The following EPHB1 variants were observed in gnomAD, a reference collection of about 807,000 sequenced individuals.
The protein encoded by EPHB1 is ephrin type-B receptor 1.
EPHB1 carries 30 observed loss-of-function variants against 94.4 expected under a neutral mutation model. The observed-to-expected ratio is 0.32, with a 90% CI of 0.24 to 0.43. The LOEUF (loss-of-function observed/expected upper bound fraction) is 0.43, where lower values mean the gene tolerates loss of function less well. Among genes scored for constraint, EPHB1 ranks in the 20% least tolerant of loss-of-function variants. The probability of loss-of-function intolerance (pLI) is 1.00; values close to 1 mark genes in which losing one functional copy is unlikely to be tolerated. For synonymous variants in EPHB1, 522 were observed against 489.1 expected (o/e 1.07, Z -0.89); for missense variants, 1,055 against 1,308.3 (o/e 0.81, Z 2.99).
chr3:134,948,816 C>G (rs1559767505), intron 2 of EPHB1, among the ~76,000 whole-genome samples: 1 of 152,198 alleles, frequency 6.6e-6, no homozygotes, highest in Non-Finnish European at 1.5e-5. Context: ...GCCCCAGGGC[C>G]AGTGTGCACA....
chr3:134,844,725 T>C (rs1337446179), intron 1 of EPHB1, among the ~76,000 whole-genome samples: 1 of 152,220 alleles, frequency 6.6e-6, no homozygotes, highest in East Asian at 1.9e-4. Flanking sequence ...ACTCCCGTCT[T>C]TGATACATAA....
At chr3:135,220,700 G>C (rs1349091770) in intron 12 of EPHB1, among the ~76,000 whole-genome samples, 1 of 151,490 alleles carries the variant, frequency 6.6e-6, no homozygotes, top group East Asian at 1.9e-4. Context: ...TGGGCAAAGA[G>C]GAGAGAAGAG....
chr3:135,135,452 A>G (rs554557650), intron 5 of EPHB1, among the ~76,000 whole-genome samples: 3 of 152,366 alleles, frequency 2.0e-5, no homozygotes, highest in Admixed American at 1.3e-4. Flanking sequence ...GTTTAGAACC[A>G]TGAACAGAAG....
At chr3:135,253,240 G>T (rs1374467619) in intron 15 of EPHB1, among the ~76,000 whole-genome samples, 13 of 151,208 alleles carry the variant, frequency 8.6e-5, no homozygotes, top group East Asian at 3.9e-4. Context: ...GTCAATTTTG[G>T]CTTTTGTTGC....
At chr3:135,140,935 C>T (rs929307746) in intron 5 of EPHB1, among the ~76,000 whole-genome samples, 4 of 152,076 alleles carry the variant, frequency 2.6e-5, no homozygotes, top group Admixed American at 2.0e-4. Context: ...CTTCTCTGAG[C>T]GGATGTGAAA....
chr3:134,835,581 C>A (rs2036659359), intron 1 of EPHB1, among the ~76,000 whole-genome samples: 1 of 152,092 alleles, frequency 6.6e-6, no homozygotes, highest in Non-Finnish European at 1.5e-5. Flanking sequence ...TGCTTCAAGG[C>A]AAGTTAAAAA....
chr3:134,999,111 T>G (rs1432976567), intron 3 of EPHB1, among the ~76,000 whole-genome samples: 1 of 152,176 alleles, frequency 6.6e-6, no homozygotes, highest in Non-Finnish European at 1.5e-5. Flanking sequence ...CAGTCACTGG[T>G]GATGGTTAAT....
chr3:135,008,267 A>G (rs989257242), intron 3 of EPHB1, among the ~76,000 whole-genome samples: 1 of 152,208 alleles, frequency 6.6e-6, no homozygotes. Context: ...TATGTGTCCT[A>G]TGCACACTTA....
intron 3 of EPHB1, among the ~76,000 whole-genome samples, chr3:135,040,432 G>A (rs540869422): frequency 1.3e-5 from 2 of 152,314 alleles, no homozygotes; most frequent in South Asian, 4.1e-4. Flanking sequence ...TGTCCTCTTG[G>A]GGACCTGCAG....
intron 3 of EPHB1, among the ~76,000 whole-genome samples, chr3:134,986,005 T>A (rs577009782): frequency 1.3e-5 from 2 of 152,202 alleles, no homozygotes; most frequent in African/African-American, 4.8e-5. Context: ...TTGCCCCAGA[T>A]AGTGACTGTC....
chr3:135,159,367 T>G (rs2107697133), intron 6 of EPHB1, among the ~76,000 whole-genome samples: 1 of 152,378 alleles, frequency 6.6e-6, no homozygotes, highest in African/African-American at 2.4e-5. Context: ...ATACCAATGA[T>G]GTATTAAAAC....
intron 1 of EPHB1, among the ~76,000 whole-genome samples, chr3:134,864,045 C>G (rs760489337): frequency 1.2e-4 from 18 of 152,296 alleles, no homozygotes; most frequent in African/African-American, 1.9e-4. Context: ...GAAAAATGCT[C>G]TCAGGAAAGT....
intron 9 of EPHB1, among the ~76,000 whole-genome samples, chr3:135,169,461 C>T (rs1304740414): frequency 2.0e-5 from 3 of 152,204 alleles, no homozygotes; most frequent in Non-Finnish European, 4.4e-5. Context: ...GCACCTGGCT[C>T]CTCTTTGCAC....
intron 1 of EPHB1, among the ~76,000 whole-genome samples, chr3:134,867,009 G>A (rs936921910): frequency 2.0e-5 from 3 of 152,172 alleles, no homozygotes; most frequent in Admixed American, 6.5e-5. Flanking sequence ...GCAGCCCATC[G>A]TGTCACTAGA....
At chr3:134,914,750 A>C (rs1235970177) in intron 1 of EPHB1, among the ~76,000 whole-genome samples, 1 of 152,158 alleles carries the variant, frequency 6.6e-6, no homozygotes, top group Non-Finnish European at 1.5e-5. Flanking sequence ...AAGAATGACA[A>C]AGCACTCAGG....
intron 2 of EPHB1, among the ~76,000 whole-genome samples, chr3:134,942,958 A>C (rs546475889): frequency 6.6e-6 from 1 of 152,364 alleles, no homozygotes; most frequent in Admixed American, 6.5e-5. Flanking sequence ...CAAATGCTAA[A>C]TTGCGTGGAA....
rs543751578 is a variant in EPHB1, at chr3:134,810,934, T to C, written c.58+15245T>C. Among the ~76,000 whole-genome samples the C allele has an allele frequency of 2.0e-3, 309 of 152,154 alleles. 1 individual carries two copies. Among genetic ancestry groups the C allele is most frequent in the African/African-American group, 7.0e-3 (289 of 41,512 alleles). ...CCTCCTGAGTATTTGCTGAGTTGAG[T>C]TGGGTTAAAGACTTTCATAGGAGGG... On this transcript the variant is annotated intron_variant, in intron 1 of 15. Coordinates refer to ENST00000398015, the MANE Select transcript of EPHB1 (RefSeq NM_004441.5).
intron 4 of EPHB1, among the ~76,000 whole-genome samples, chr3:135,122,683 C>A (rs1020581268): frequency 1.3e-4 from 20 of 152,198 alleles, no homozygotes; most frequent in African/African-American, 4.8e-4. Context: ...GAGGGGCTGT[C>A]TCTTTTCCCA....
At chr3:134,974,571 C>T (rs1934109074) in intron 3 of EPHB1, among the ~76,000 whole-genome samples, 1 of 151,762 alleles carries the variant, frequency 6.6e-6, no homozygotes, top group South Asian at 2.1e-4. Flanking sequence ...CCACCCCTGC[C>T]CCACCTCTTC....
Sources: allele counts gnomAD v4.1 joint callset (sites outside exome capture counted in the v4.1 genomes callset), GRCh38; gene constraint gnomAD v4.1.1; transcripts MANE v1.5; gene names NCBI Gene and HGNC (gene_info 2026-07-23, HGNC 2026-07-21).